ITPRID1: variants seen among roughly 807,000 people sequenced by gnomAD.
ITPRID1 encodes the protein ITPR interacting domain containing 1, also known as protein ITPRID1.
In ITPRID1, 96 loss-of-function variants were observed where a neutral mutation model predicts 95.4. That is an observed-to-expected ratio of 1.01 (90% CI 0.85 to 1.19). The LOEUF is 1.19. Among genes scored for constraint, ITPRID1 ranks in the 50% most tolerant of loss-of-function variants. The pLI is 0.00. For missense variants in ITPRID1, 1,339 were observed against 1,252.9 expected (o/e 1.07, Z -1.04); for synonymous variants, 510 against 453.6 (o/e 1.12, Z -1.58).
intron 10 of ITPRID1, among the ~76,000 whole-genome samples, chr7:31,601,394 C>T (rs191373641): frequency 4.6e-5 from 7 of 152,258 alleles, no homozygotes; most frequent in Middle Eastern, 3.4e-3. Flanking sequence ...TGAGGTAGAA[C>T]GATTGTGTAA....
chr7:31,620,192 CA>C (rs1212202592), intron 10 of ITPRID1, among the ~76,000 whole-genome samples: 1 of 151,958 alleles, frequency 6.6e-6, no homozygotes, highest in Non-Finnish European at 1.5e-5. Context: ...CACAGACAAA[CA>C]AAAAGACAGC....
intron 10 of ITPRID1, among the ~76,000 whole-genome samples, chr7:31,605,562 C>G (rs1407078389): frequency 1.3e-5 from 2 of 152,196 alleles, no homozygotes; most frequent in African/African-American, 4.8e-5. Context: ...GATCCTAGTT[C>G]TTGTCTCCTG....
At chr7:31,638,804 A>G (rs1789727132) in intron 10 of ITPRID1, among the ~76,000 whole-genome samples, 1 of 151,692 alleles carries the variant, frequency 6.6e-6, no homozygotes, top group Non-Finnish European at 1.5e-5. Flanking sequence ...TGAGATGGAG[A>G]CTTGCTCTGT....
chr7:31,576,040 T>C (rs6963296), intron 8 of ITPRID1, among the ~76,000 whole-genome samples: 86,766 of 151,972 alleles, frequency 0.57, 25,279 homozygotes, highest in African/African-American at 0.67. Flanking sequence ...GGGAGAATAA[T>C]GTCATTTACC....
At chr7:31,609,223 T>G (rs1384862789) in intron 10 of ITPRID1, among the ~76,000 whole-genome samples, 1 of 151,684 alleles carries the variant, frequency 6.6e-6, no homozygotes, top group Non-Finnish European at 1.5e-5. Context: ...GATTCAGTTT[T>G]GCTAGTATTT....
intron 1 of ITPRID1, among the ~76,000 whole-genome samples, chr7:31,536,167 T>C (rs1044774044): frequency 3.9e-5 from 6 of 152,274 alleles, no homozygotes; most frequent in Admixed American, 3.9e-4. Flanking sequence ...TTGAAAATTT[T>C]TTTTCTTTAT....
chr7:31,632,017 C>T (rs38377), intron 10 of ITPRID1, among the ~76,000 whole-genome samples: 123,072 of 152,092 alleles, frequency 0.81, 50,538 homozygotes, highest in East Asian at 0.99. Flanking sequence ...GGAATGAAGG[C>T]TTCCAGTAGA....
intron 5 of ITPRID1, among the ~76,000 whole-genome samples, chr7:31,562,240 C>G (rs1046761992): frequency 6.6e-6 from 1 of 152,006 alleles, no homozygotes; most frequent in South Asian, 2.1e-4. Flanking sequence ...ACAATGAGTG[C>G]ACATTTTAAC....
At position 31,653,373 on chromosome 7, in the gene ITPRID1, C is replaced by T. The variant is rs1283975348; in HGVS notation, c.*544C>T. 1.3e-5 allele frequency: 2 copies of T among 154,464 alleles called. No individual in the cohort carries two copies. Among genetic ancestry groups the T allele is most frequent in the African/African-American group, 4.9e-5 (2 of 41,144 alleles). 9.6% of individuals were successfully genotyped at this position (154,464 alleles called of 1,614,324 possible). A position where few individuals can be genotyped will look rare whatever the true frequency, so the allele number is the denominator to read the frequency against. On this transcript the variant is annotated 3_prime_UTR_variant, in exon 15 of 15. Coordinates refer to ENST00000615280, the MANE Select transcript of ITPRID1 (RefSeq NM_001257967.3). ...AGAGGAACTGTCACTTATGCATTCA[C>T]CTAGCTCAGTGGATCTGCACTTTTA...
chr7:31,591,148 T>A (rs1785849142), intron 10 of ITPRID1, among the ~76,000 whole-genome samples: 1 of 152,212 alleles, frequency 6.6e-6, no homozygotes, highest in Non-Finnish European at 1.5e-5. Flanking sequence ...TTGACCCCAG[T>A]ATTTCATCAA....
At chr7:31,620,888 TAAC>T (rs1179954766) in intron 10 of ITPRID1, among the ~76,000 whole-genome samples, 1 of 151,922 alleles carries the variant, frequency 6.6e-6, no homozygotes, top group East Asian at 1.9e-4. Flanking sequence ...ATAACTAGAA[TAAC>T]CAATACAGAG....
downstream of ITPRID1, chr7:31,656,619 C>A: frequency 2.6e-6 from 1 of 390,010 alleles, no homozygotes; most frequent in Non-Finnish European, 3.5e-6. Flanking sequence ...TCTCAGGAGA[C>A]AATGAAGAGA....
intron 5 of ITPRID1, among the ~76,000 whole-genome samples, chr7:31,562,866 A>G (rs1784672235): frequency 6.6e-6 from 1 of 152,142 alleles, no homozygotes; most frequent in Admixed American, 6.5e-5. Flanking sequence ...CCCAGGTCCC[A>G]TATTCTCCAT....
At chr7:31,580,242 G>T (rs1785346669) in intron 9 of ITPRID1, among the ~76,000 whole-genome samples, 1 of 147,084 alleles carries the variant, frequency 6.8e-6, no homozygotes, top group Admixed American at 6.9e-5. Context: ...AGGTTGCAGT[G>T]AGCCGAGATC....
At chr7:31,562,088 G>A (rs1225940219) in intron 5 of ITPRID1, among the ~76,000 whole-genome samples, 1 of 76,828 alleles carries the variant, frequency 1.3e-5, no homozygotes, top group Non-Finnish European at 3.4e-5. Context: ...GAGAGTATCT[G>A]GTTCATAGCA....
intron 10 of ITPRID1, among the ~76,000 whole-genome samples, chr7:31,622,697 A>C (rs1583618816): frequency 1.3e-5 from 2 of 152,148 alleles, no homozygotes; most frequent in African/African-American, 4.8e-5. Flanking sequence ...AATTAAAAGA[A>C]CTAGAAAATC....
chr7:31,594,361 T>C (rs1785989319), intron 10 of ITPRID1, among the ~76,000 whole-genome samples: 1 of 152,180 alleles, frequency 6.6e-6, no homozygotes, highest in South Asian at 2.1e-4. Context: ...ATATTTCTAC[T>C]GGGGGAAAGG....
At chr7:31,597,674 A>C (rs1378022470) in intron 10 of ITPRID1, among the ~76,000 whole-genome samples, 4 of 152,160 alleles carry the variant, frequency 2.6e-5, no homozygotes, top group Admixed American at 6.5e-5. Context: ...CATAAATGGG[A>C]AAACTCCATA....
At chr7:31,612,487 C>G (rs1786918620) in intron 10 of ITPRID1, among the ~76,000 whole-genome samples, 1 of 152,048 alleles carries the variant, frequency 6.6e-6, no homozygotes, top group South Asian at 2.1e-4. Context: ...CTTAGATATA[C>G]TCCTAGGTTT....
Sources: allele counts gnomAD v4.1 joint callset (sites outside exome capture counted in the v4.1 genomes callset), GRCh38; gene constraint gnomAD v4.1.1; transcripts MANE v1.5; gene names NCBI Gene and HGNC (gene_info 2026-07-23, HGNC 2026-07-21).